Variants in MCPH1 observed in about 807,000 individuals in gnomAD.
MCPH1 encodes the protein microcephalin 1, also known as microcephalin.
MCPH1 carries 104 observed loss-of-function variants against 84.5 expected under a neutral mutation model. The observed-to-expected ratio is 1.23, with a 90% CI of 1.05 to 1.45. MCPH1 has a LOEUF of 1.45. Among genes scored for constraint, MCPH1 ranks in the 40% most tolerant of loss-of-function variants. The probability of loss-of-function intolerance (pLI) is 0.00; values close to 1 mark genes in which losing one functional copy is unlikely to be tolerated. For missense variants in MCPH1, 1,498 were observed against 1,005.7 expected (o/e 1.49, Z -6.62); for synonymous variants, 514 against 366.8 (o/e 1.40, Z -4.58).
chr8:6,487,156 C>A (rs530249049), intron 11 of MCPH1, among the ~76,000 whole-genome samples: 2 of 152,204 alleles, frequency 1.3e-5, no homozygotes, highest in Admixed American at 1.3e-4. Context: ...CTTATAAATA[C>A]AAGTGTAGGG....
intron 10 of MCPH1, among the ~76,000 whole-genome samples, chr8:6,479,367 T>A (rs11987805): frequency 0.084 from 12,739 of 152,080 alleles, 1,367 homozygotes; most frequent in African/African-American, 0.25. Context: ...CTTTGTAATA[T>A]AATTTTTGGA....
At chr8:6,626,020 T>C in intron 13 of MCPH1, 1 of 985,370 alleles carries the variant, frequency 1.0e-6, no homozygotes, top group Non-Finnish European at 1.2e-6. Flanking sequence ...CCCCTGGGAC[T>C]GCAGCATCCG....
At chr8:6,591,570 C>A (rs564726048) in intron 12 of MCPH1, among the ~76,000 whole-genome samples, 1 of 152,294 alleles carries the variant, frequency 6.6e-6, no homozygotes, top group East Asian at 1.9e-4. Context: ...ATCCTAAGAG[C>A]ACTTTAGAAA....
chr8:6,446,821 G>C (rs923397307), intron 8 of MCPH1: 1 of 985,168 alleles, frequency 1.0e-6, no homozygotes, highest in Non-Finnish European at 1.2e-6. Context: ...TAAAATCCCC[G>C]TGTTGCTGGG....
chr8:6,465,971 C>CCATA (rs1321489385), intron 9 of MCPH1, among the ~76,000 whole-genome samples: 44 of 151,558 alleles, frequency 2.9e-4, no homozygotes, highest in Non-Finnish European at 4.7e-4. Context: ...ATCCATCCAT[C>CCATA]CGATACAGAG....
intron 13 of MCPH1, among the ~76,000 whole-genome samples, chr8:6,642,164 T>A (rs187024199): frequency 6.6e-6 from 1 of 152,242 alleles, no homozygotes; most frequent in Non-Finnish European, 1.5e-5. Flanking sequence ...TGTAACTCTG[T>A]AATTATAATT....
intron 12 of MCPH1, among the ~76,000 whole-genome samples, chr8:6,570,096 C>T (rs954121257): frequency 6.6e-6 from 1 of 152,218 alleles, no homozygotes; most frequent in Non-Finnish European, 1.5e-5. Flanking sequence ...ATTCTACATA[C>T]CCTTTCATTG....
chr8:6,550,496 G>T (rs899540125), intron 12 of MCPH1, among the ~76,000 whole-genome samples: 2 of 152,144 alleles, frequency 1.3e-5, no homozygotes, highest in Non-Finnish European at 2.9e-5. Context: ...CGGAAACAAG[G>T]GTATGTGCCA....
chr8:6,488,649 C>T (rs1326023801), intron 11 of MCPH1, among the ~76,000 whole-genome samples: 2 of 152,138 alleles, frequency 1.3e-5, no homozygotes, highest in Admixed American at 6.6e-5. Flanking sequence ...AAGAGAAATA[C>T]CTGAGGCACC....
intron 9 of MCPH1, among the ~76,000 whole-genome samples, chr8:6,459,632 T>C (rs1806059823): frequency 6.6e-6 from 1 of 152,214 alleles, no homozygotes; most frequent in Non-Finnish European, 1.5e-5. Flanking sequence ...CCTGACATTT[T>C]TATGTTTTCA....
rs76168795 is a variant in MCPH1, at chr8:6,493,021, T to A, written c.2137-6831T>A. Among the ~76,000 whole-genome samples the A allele has an allele frequency of 6.7e-3, 1,015 of 152,312 alleles. 18 individuals carry two copies. Among genetic ancestry groups the A allele is most frequent in the African/African-American group, 0.023 (976 of 41,564 alleles). On this transcript the variant is annotated intron_variant, in intron 11 of 13. Coordinates refer to ENST00000344683, the MANE Select transcript of MCPH1 (RefSeq NM_024596.5). ...CATAATATTTGGTTTATTGTCTGTGTTGGTAATAATTTCTGCTGTGTTTTC... is the reference window on the plus strand; with the variant it reads ...CATAATATTTGGTTTATTGTCTGTGATGGTAATAATTTCTGCTGTGTTTTC...
At chr8:6,519,717 G>C in intron 12 of MCPH1, 1 of 948,320 alleles carries the variant, frequency 1.1e-6, no homozygotes, top group Non-Finnish European at 1.5e-6. Context: ...AAGCACTCTA[G>C]GCGAGGTAGC....
intron 12 of MCPH1, among the ~76,000 whole-genome samples, chr8:6,568,112 G>C (rs1826351863): frequency 1.3e-5 from 2 of 152,164 alleles, no homozygotes; most frequent in Admixed American, 1.3e-4. Context: ...CTCCCAGAAA[G>C]AGGCCAGTGT....
intron 2 of MCPH1, among the ~76,000 whole-genome samples, chr8:6,410,804 T>C (rs894782209): frequency 2.0e-5 from 3 of 152,178 alleles, no homozygotes; most frequent in Non-Finnish European, 4.4e-5. Context: ...TGCACAAGCA[T>C]AGTTGGGATT....
chr8:6,411,148 C>G (rs929559656), intron 2 of MCPH1, among the ~76,000 whole-genome samples: 1 of 152,058 alleles, frequency 6.6e-6, no homozygotes, highest in Non-Finnish European at 1.5e-5. Context: ...GGCCTGATGT[C>G]AAAAGGTCAT....
chr8:6,525,082 C>A (rs1345259034), intron 12 of MCPH1, among the ~76,000 whole-genome samples: 3 of 152,230 alleles, frequency 2.0e-5, no homozygotes, highest in African/African-American at 4.8e-5. Context: ...GGTAAATCCA[C>A]CTTTTTTTGA....
Position 6,645,383 on chromosome 8 carries a change from G to C in MCPH1, c.*2334G>C, listed in dbSNP as rs1229782333. The C allele has an allele frequency of 2.0e-5, 3 of 152,086 alleles. No individual in the cohort carries two copies. Among genetic ancestry groups the C allele is most frequent in the African/African-American group, 7.2e-5 (3 of 41,402 alleles). 9.4% of individuals were successfully genotyped at this position (152,086 alleles called of 1,614,324 possible). ...TAGTAGCTTACTGTGGGTCTGCAAA[G>C]CCTTACTCAAAACATATAGGGCTAG... On this transcript the variant is annotated 3_prime_UTR_variant, in exon 14 of 14. Transcript: ENST00000344683.
chr8:6,562,673 C>G, intron 12 of MCPH1: 1 of 1,588,286 alleles, frequency 6.3e-7, no homozygotes, highest in East Asian at 2.3e-5. Flanking sequence ...GTGTTGTTTT[C>G]CATGATGTTC....
intron 12 of MCPH1, among the ~76,000 whole-genome samples, chr8:6,592,308 C>T (rs9657428): frequency 0.022 from 3,279 of 152,114 alleles, 122 homozygotes; most frequent in African/African-American, 0.075. Context: ...CGTGCCACCA[C>T]ACCCGGCTAA....
Sources: gnomAD v4.1 joint callset for allele counts (sites outside exome capture counted in the v4.1 genomes callset) on GRCh38, gnomAD v4.1.1 for gene constraint, MANE v1.5 for transcripts, NCBI Gene and HGNC (gene_info 2026-07-23, HGNC 2026-07-21) for gene names.